Variants in SAMTOR observed in about 807,000 individuals in gnomAD.
SAMTOR encodes UPF0532 protein C7orf60.
the SAMTOR span, among the ~76,000 whole-genome samples, chr7:112,897,526 A>G: frequency 1.3e-5 from 2 of 152,216 alleles, no homozygotes; most frequent in African/African-American, 2.4e-5. Flanking sequence ...CTCATAGAAT[A>G]ATGACAATCA....
At chr7:112,913,390 C>T in the SAMTOR span, among the ~76,000 whole-genome samples, 2 of 152,212 alleles carry the variant, frequency 1.3e-5, no homozygotes, top group African/African-American at 2.4e-5. Context: ...GTACACTGTC[C>T]TGTCAACTCA....
At chr7:112,938,660 C>T in the SAMTOR span, among the ~76,000 whole-genome samples, 2 of 152,210 alleles carry the variant, frequency 1.3e-5, no homozygotes, top group Non-Finnish European at 2.9e-5. Context: ...GGAGAAGTCT[C>T]TCTCCCAAGC....
the SAMTOR span, among the ~76,000 whole-genome samples, chr7:112,917,726 G>A: frequency 6.6e-6 from 1 of 152,152 alleles, no homozygotes; most frequent in Non-Finnish European, 1.5e-5. Flanking sequence ...TGTATAACTA[G>A]AATAACCAAT....
chr7:112,862,830 G>A, the SAMTOR span, among the ~76,000 whole-genome samples: 1 of 151,948 alleles, frequency 6.6e-6, no homozygotes, highest in African/African-American at 2.4e-5. Flanking sequence ...TCTGGAGGCT[G>A]AGGCAGGAGA....
the SAMTOR span, among the ~76,000 whole-genome samples, chr7:112,919,218 T>C: frequency 6.6e-6 from 1 of 152,078 alleles, no homozygotes; most frequent in Non-Finnish European, 1.5e-5. Flanking sequence ...CCTCAGCAAA[T>C]GTAAAAGAAC....
chr7:112,923,558 G>A, the SAMTOR span, among the ~76,000 whole-genome samples: 1 of 152,140 alleles, frequency 6.6e-6, no homozygotes, highest in Admixed American at 6.5e-5. Flanking sequence ...TGCTGGAGAG[G>A]ATGTGGAGAA....
the SAMTOR span, chr7:112,939,829 G>A: frequency 8.8e-7 from 1 of 1,138,680 alleles, no homozygotes; most frequent in Non-Finnish European, 1.2e-6. Flanking sequence ...GTAGGAGGAG[G>A]GAGCTGCGGA....
chr7:112,851,287 G>A, the SAMTOR span, among the ~76,000 whole-genome samples: 17 of 152,188 alleles, frequency 1.1e-4, no homozygotes, highest in African/African-American at 3.1e-4. Flanking sequence ...CATATTATTC[G>A]ACTTCAAATT....
At chr7:112,863,719 G>A in the SAMTOR span, among the ~76,000 whole-genome samples, 5 of 152,014 alleles carry the variant, frequency 3.3e-5, no homozygotes, top group South Asian at 2.1e-4. Flanking sequence ...AATGAAAACC[G>A]CAATGAGATA....
chr7:112,913,085 TCTTAA>T, the SAMTOR span, among the ~76,000 whole-genome samples: 72 of 152,344 alleles, frequency 4.7e-4, no homozygotes, highest in Non-Finnish European at 7.9e-4. Context: ...ATTTTGTGTT[TCTTAA>T]CTTGAGGGAG....
chr7:112,878,721 T>C, the SAMTOR span, among the ~76,000 whole-genome samples: 2 of 152,138 alleles, frequency 1.3e-5, no homozygotes, highest in African/African-American at 4.8e-5. Context: ...GTTAAAAATG[T>C]ACTGAGAAAT....
At chr7:112,836,258 A>G in the SAMTOR span, among the ~76,000 whole-genome samples, 37 of 152,008 alleles carry the variant, frequency 2.4e-4, no homozygotes, top group Admixed American at 5.2e-4. Context: ...GCATTTTTTC[A>G]TATGCTTGTT....
the SAMTOR span, among the ~76,000 whole-genome samples, chr7:112,886,182 G>A: frequency 1.3e-5 from 2 of 152,164 alleles, no homozygotes; most frequent in African/African-American, 4.8e-5. Context: ...TCCCTTCTAT[G>A]ACATGTGGGG....
the SAMTOR span, among the ~76,000 whole-genome samples, chr7:112,832,105 G>A: frequency 1.5e-4 from 23 of 150,544 alleles, 1 homozygote; most frequent in South Asian, 6.5e-4. Flanking sequence ...TCCGCCTCCC[G>A]GGTTCAAGCG....
chr7:112,848,867 G>A, the SAMTOR span, among the ~76,000 whole-genome samples: 25 of 152,232 alleles, frequency 1.6e-4, no homozygotes, highest in African/African-American at 5.8e-4. Flanking sequence ...GATCAACAAG[G>A]TGAAACCCTG....
chr7:112,856,211 T>A, the SAMTOR span, among the ~76,000 whole-genome samples: 1 of 152,022 alleles, frequency 6.6e-6, no homozygotes, highest in Non-Finnish European at 1.5e-5. Context: ...ATTATAGACT[T>A]TTTAAAAAAG....
chr7:112,895,536 C>G, the SAMTOR span: 1 of 1,453,272 alleles, frequency 6.9e-7, no homozygotes, highest in Non-Finnish European at 9.3e-7. Flanking sequence ...ATACAGTTAT[C>G]CAGGATAATC....
At chr7:112,890,278 C>T in the SAMTOR span, among the ~76,000 whole-genome samples, 1 of 152,060 alleles carries the variant, frequency 6.6e-6, no homozygotes, top group African/African-American at 2.4e-5. Context: ...GGTGTTTGAG[C>T]GCAACCTCTA....
At chr7:112,840,875 T>C in the SAMTOR span, among the ~76,000 whole-genome samples, 1 of 152,020 alleles carries the variant, frequency 6.6e-6, no homozygotes, top group Non-Finnish European at 1.5e-5. Context: ...TTCGATAAAA[T>C]TCAACACCCC....
Sources: allele counts gnomAD v4.1 joint callset (sites outside exome capture counted in the v4.1 genomes callset), GRCh38; gene constraint gnomAD v4.1.1; transcripts MANE v1.5; gene names NCBI Gene and HGNC (gene_info 2026-07-23, HGNC 2026-07-21).